NTMT2: variants seen among roughly 807,000 people sequenced by gnomAD.
NTMT2 encodes N-terminal Xaa-Pro-Lys N-methyltransferase 2, also known as X-Pro-Lys N-terminal protein methyltransferase 1B.
A neutral mutation model predicts 23.4 loss-of-function variants in NTMT2; 21 were observed. The observed-to-expected ratio is 0.90, with a 90% CI of 0.64 to 1.29. NTMT2 has a LOEUF of 1.29. Ranked by LOEUF, NTMT2 falls within the 50% of genes most tolerant of loss-of-function variation. NTMT2 has a pLI of 0.00. For synonymous variants in NTMT2, 131 were observed against 127.7 expected (o/e 1.03, Z -0.17); for missense variants, 336 against 352.0 (o/e 0.95, Z 0.36).
intron 1 of NTMT2, among the ~76,000 whole-genome samples, chr1:170,154,675 G>T (rs1214271595): frequency 6.6e-6 from 1 of 151,180 alleles, no homozygotes; most frequent in Non-Finnish European, 1.5e-5. Context: ...GATTTTATGG[G>T]GTTGTAGGTG....
rs41272487 is a variant in NTMT2 at position 170,166,687 on chromosome 1, C to T, written c.516C>T (p.Tyr172=). ...ACAAAGTAGAAAGCTACCACTGCTA[C>T]AGCCTGCAGGAATTCACACCCCCCT... ...KGDKVESYHC[Y]SLQEFTPPFR... Residue 172 remains tyrosine, a synonymous_variant, in exon 3 of 4, where the codon TAC becomes TAT. Coordinates refer to ENST00000439373, the MANE Select transcript of NTMT2 (RefSeq NM_001136107.2). The T allele has an allele frequency of 0.066, 102,969 of 1,552,234 alleles. 3,852 individuals carry two copies. The highest frequency in any genetic ancestry group is 0.11 in the African/African-American group (8,141 of 73,142).
intron 1 of NTMT2, among the ~76,000 whole-genome samples, chr1:170,147,335 TATC>T (rs1352592593): frequency 1.3e-5 from 2 of 152,216 alleles, no homozygotes; most frequent in Non-Finnish European, 2.9e-5. Flanking sequence ...TAGGGTAAGT[TATC>T]ATTTTTTTTT....
At chr1:170,161,643 A>G (rs1432903149) in intron 2 of NTMT2, 1 of 152,226 alleles carries the variant, frequency 6.6e-6, no homozygotes, top group Non-Finnish European at 1.5e-5. Flanking sequence ...GATAATGTGG[A>G]GATCTAATGA....
intron 2 of NTMT2, among the ~76,000 whole-genome samples, chr1:170,164,017 G>A (rs746366239): frequency 1.3e-5 from 2 of 151,802 alleles, no homozygotes; most frequent in Non-Finnish European, 2.9e-5. Context: ...AGCTACTCGG[G>A]ATGCTGAGGC....
chr1:170,156,353 T>C (rs971803395), intron 1 of NTMT2, among the ~76,000 whole-genome samples: 1 of 152,180 alleles, frequency 6.6e-6, no homozygotes, highest in African/African-American at 2.4e-5. Flanking sequence ...ATGAATGAAC[T>C]GTCTTTTGAT....
In NTMT2 at chr1:170,163,884, C is replaced by T. The variant is rs542466896; in HGVS notation, c.331-2618C>T. 1.4e-4 allele frequency among the ~76,000 whole-genome samples: 21 copies of T among 152,172 alleles called. No individual in the cohort carries two copies. In the Middle Eastern group the frequency reaches 0.01, roughly 74 times the overall value. ...CACCTGTAATCCCATCACTTTGGGA[C>T]GCTGAGGCGGGTGGCTCACCTGAGG... On this transcript the variant is annotated intron_variant, in intron 2 of 3. Coordinates refer to ENST00000439373, the MANE Select transcript of NTMT2 (RefSeq NM_001136107.2).
At chr1:170,163,294 A>G (rs941640810) in intron 2 of NTMT2, among the ~76,000 whole-genome samples, 1 of 152,356 alleles carries the variant, frequency 6.6e-6, no homozygotes, top group South Asian at 2.1e-4. Flanking sequence ...CTAGATTAGT[A>G]TTCAGGTCAA....
chr1:170,155,702 C>T (rs1327820925), intron 1 of NTMT2, among the ~76,000 whole-genome samples: 2 of 151,954 alleles, frequency 1.3e-5, no homozygotes, highest in Non-Finnish European at 2.9e-5. Flanking sequence ...GTATATTCAA[C>T]CACTTGAAAA....
At chr1:170,147,258 A>G (rs749259565) in intron 1 of NTMT2, among the ~76,000 whole-genome samples, 2 of 152,208 alleles carry the variant, frequency 1.3e-5, no homozygotes, top group Non-Finnish European at 2.9e-5. Flanking sequence ...TATTTATATA[A>G]CTTCTTTCTA....
At chr1:170,152,499 T>C (rs1175462485) in intron 1 of NTMT2, among the ~76,000 whole-genome samples, 1 of 152,184 alleles carries the variant, frequency 6.6e-6, no homozygotes, top group African/African-American at 2.4e-5. Flanking sequence ...AACACTAAAC[T>C]AGCCCTCAGT....
At chr1:170,163,584 T>G (rs1194492363) in intron 2 of NTMT2, among the ~76,000 whole-genome samples, 1 of 152,242 alleles carries the variant, frequency 6.6e-6, no homozygotes, top group Non-Finnish European at 1.5e-5. Context: ...TTTTTGACAG[T>G]ATTTATTTTT....
At chr1:170,146,285 TAAGAAAC>T (rs1557903293) in intron 1 of NTMT2, 24 bp downstream of exon 1, 1 of 1,546,234 alleles carries the variant, frequency 6.5e-7, no homozygotes. Flanking sequence ...AGCTACTAGA[TAAGAAAC>T]AAGAAATGAC....
rs1673387193 is a variant in NTMT2 at position 170,166,420 on chromosome 1, C to T, written c.331-82C>T. Reference sequence around the variant, plus strand: ...CCTCCCAAAGTGCTGGGATTACAAGCGTGAGCCACCGCGCCCGGCCTGGGT... The same window carrying T: ...CCTCCCAAAGTGCTGGGATTACAAGTGTGAGCCACCGCGCCCGGCCTGGGT... On this transcript the variant is annotated intron_variant, in intron 2 of 3. Transcript: ENST00000439373. 27 of 1,465,292 alleles carry T rather than the reference C, an allele frequency of 1.8e-5. No individual in the cohort carries two copies. In the South Asian group the frequency reaches 3.0e-4, roughly 16 times the overall value. The allele number at this position is 1,465,292 out of a possible 1,614,324, so 90.8% of individuals were successfully genotyped here.
Position 170,146,734 on chromosome 1 carries a change from C to T in NTMT2, c.154+473C>T, listed in dbSNP as rs190777541. Among the ~76,000 whole-genome samples the T allele has an allele frequency of 1.9e-3, 294 of 152,284 alleles. 1 individual carries two copies. The highest frequency in any genetic ancestry group is 6.8e-3 in the African/African-American group (284 of 41,556). ...CTGTGCTTGTGTACACACTTACAAT[C>T]CTCTGCGGTCTTCTTGAATCACAAG... is the stretch of plus-strand genomic sequence containing the variant. On this transcript the variant is annotated intron_variant, in intron 1 of 3. Transcript: ENST00000439373.
chr1:170,163,474 A>C (rs546279326), intron 2 of NTMT2, among the ~76,000 whole-genome samples: 60 of 152,366 alleles, frequency 3.9e-4, no homozygotes, highest in Admixed American at 1.3e-4. Flanking sequence ...TAGCAAATAA[A>C]CAAATGATAC....
chr1:170,154,791 A>T (rs1673133854), intron 1 of NTMT2, among the ~76,000 whole-genome samples: 1 of 152,142 alleles, frequency 6.6e-6, no homozygotes, highest in African/African-American at 2.4e-5. Context: ...GGAATTTGAA[A>T]TGTGAGAAGG....
chr1:170,167,486 G>C lies in NTMT2; in HGVS notation c.581G>C (p.Gly194Ala), dbSNP rs1281366107. 8 of 1,545,796 alleles carry C rather than the reference G, an allele frequency of 5.2e-6. No individual in the cohort carries two copies. In the East Asian group the frequency reaches 2.0e-4, roughly 38 times the overall value. Reference protein sequence around the residue: ...YDVIWIQWVSGHLTDKDLLAF... With the variant: ...YDVIWIQWVSAHLTDKDLLAF... ...CCCATCCACTTGGTCTCCCTTGTAG[G>C]GCACCTGACTGATAAGGACCTTCTT... The change falls in exon 4 of 4, where the codon GGG becomes GCG. Residue 194 changes from glycine to alanine, a missense_variant and splice_region_variant. Physicochemically the swap from Gly to Ala is moderately conservative, Grantham distance 60. Coordinates refer to ENST00000439373, the MANE Select transcript of NTMT2 (RefSeq NM_001136107.2).
chr1:170,167,463 C>A, intron 3 of NTMT2, 23 bp from the exon 4 acceptor site: 1 of 1,523,046 alleles, frequency 6.6e-7, no homozygotes, highest in South Asian at 1.3e-5. Flanking sequence ...CCTGTTCCCC[C>A]ATCCACTTGG....
intron 1 of NTMT2, among the ~76,000 whole-genome samples, chr1:170,155,049 G>A (rs1408661214): frequency 6.6e-6 from 1 of 151,924 alleles, no homozygotes; most frequent in Admixed American, 6.6e-5. Context: ...TGACATGCCT[G>A]CTCTGGCTTC....
Sources: allele counts gnomAD v4.1 joint callset (sites outside exome capture counted in the v4.1 genomes callset), GRCh38; gene constraint gnomAD v4.1.1; transcripts MANE v1.5; gene names NCBI Gene and HGNC (gene_info 2026-07-23, HGNC 2026-07-21).